Variants in ZFAND3 observed in about 807,000 individuals in gnomAD.
ZFAND3 encodes the protein AN1-type zinc finger protein 3.
A neutral mutation model predicts 29.6 loss-of-function variants in ZFAND3; 10 were observed. That is an observed-to-expected ratio of 0.34 (90% CI 0.21 to 0.57). The LOEUF is 0.57. Among genes scored for constraint, ZFAND3 ranks in the 20% least tolerant of loss-of-function variants. The probability of loss-of-function intolerance (pLI) is 0.86; values close to 1 mark genes in which losing one functional copy is unlikely to be tolerated. For synonymous variants in ZFAND3, 128 were observed against 112.6 expected (o/e 1.14, Z -0.87); for missense variants, 230 against 304.5 (o/e 0.76, Z 1.82).
At chr6:38,148,613 CCAGAATTCAAT>C (rs1490047522) in intron 5 of ZFAND3, among the ~76,000 whole-genome samples, 1 of 152,086 alleles carries the variant, frequency 6.6e-6, no homozygotes, top group Non-Finnish European at 1.5e-5. Flanking sequence ...AGCTTGGATC[CCAGAATTCAAT>C]CAGAGAGCAA....
chr6:38,050,931 A>C (rs1380342965), intron 2 of ZFAND3, among the ~76,000 whole-genome samples: 1 of 152,184 alleles, frequency 6.6e-6, no homozygotes, highest in Non-Finnish European at 1.5e-5. Context: ...AGCAGAGCTT[A>C]AATGAAGGAG....
intron 4 of ZFAND3, among the ~76,000 whole-genome samples, chr6:38,115,751 T>C (rs1241217594): frequency 1.3e-5 from 2 of 152,212 alleles, no homozygotes; most frequent in African/African-American, 4.8e-5. Context: ...CCCAGTTTAT[T>C]GAAGGCAAGA....
At chr6:37,859,483 T>C (rs1764441372) in intron 1 of ZFAND3, among the ~76,000 whole-genome samples, 2 of 152,280 alleles carry the variant, frequency 1.3e-5, no homozygotes, top group South Asian at 2.1e-4. Flanking sequence ...TTGTTGCTCT[T>C]TAAATAGTAT....
At chr6:37,921,540 A>C (rs1183389618) in intron 1 of ZFAND3, among the ~76,000 whole-genome samples, 2 of 151,870 alleles carry the variant, frequency 1.3e-5, no homozygotes. Context: ...CTGAGTGGGG[A>C]GAGATAGTAG....
intron 5 of ZFAND3, among the ~76,000 whole-genome samples, chr6:38,148,834 T>C (rs562838604): frequency 4.6e-5 from 7 of 152,316 alleles, no homozygotes; most frequent in Admixed American, 2.6e-4. Flanking sequence ...GCTCAGCATT[T>C]GGGACAAGTT....
At chr6:37,891,925 CA>C (rs1254348223) in intron 1 of ZFAND3, among the ~76,000 whole-genome samples, 1 of 152,034 alleles carries the variant, frequency 6.6e-6, no homozygotes, top group African/African-American at 2.4e-5. Flanking sequence ...GATGGGGTTT[CA>C]CTGTGTTGCC....
intron 5 of ZFAND3, among the ~76,000 whole-genome samples, chr6:38,145,539 T>TGA (rs1766087771): frequency 6.6e-6 from 1 of 151,650 alleles, no homozygotes; most frequent in Non-Finnish European, 1.5e-5. Flanking sequence ...TGGCTGTGGA[T>TGA]GAGAGCATCT....
intron 4 of ZFAND3, among the ~76,000 whole-genome samples, chr6:38,090,378 G>A (rs1466854832): frequency 6.6e-6 from 1 of 152,094 alleles, no homozygotes; most frequent in African/African-American, 2.4e-5. Flanking sequence ...ATTGAAGAAA[G>A]ATCAAAACAG....
chr6:37,973,502 T>C (rs929754620), intron 2 of ZFAND3, among the ~76,000 whole-genome samples: 2 of 152,250 alleles, frequency 1.3e-5, no homozygotes, highest in African/African-American at 4.8e-5. Flanking sequence ...CTATCTGTGC[T>C]ATCCAACATG....
At chr6:37,984,436 ATGTGCAGTC>A (rs1157775107) in intron 2 of ZFAND3, among the ~76,000 whole-genome samples, 1 of 152,228 alleles carries the variant, frequency 6.6e-6, no homozygotes, top group East Asian at 1.9e-4. Flanking sequence ...GGGGGCTCAG[ATGTGCAGTC>A]TTAGCTTTCA....
rs375787038 is a variant in ZFAND3, at chr6:37,977,828, TTTCC to T, written c.112+47868_112+47871del. 9.5e-4 allele frequency among the ~76,000 whole-genome samples: 73 copies of T among 76,442 alleles called. 1 individual carries two copies. Among genetic ancestry groups the T allele is most frequent in the African/African-American group, 3.3e-3 (66 of 20,166 alleles). The allele number at this position is 76,442 out of a possible 152,430, so 50.1% of individuals were successfully genotyped here. On this transcript the variant is annotated intron_variant, in intron 2 of 5. Coordinates refer to ENST00000287218, the MANE Select transcript of ZFAND3 (RefSeq NM_021943.3). ...TGAATGTTGAATTTTGTAAAATGCT[TTTCC>T]TTCCTTCCTTCCTTCCTTCCTTCCT...
At chr6:37,853,837 C>T (rs768857724) in intron 1 of ZFAND3, among the ~76,000 whole-genome samples, 14 of 151,980 alleles carry the variant, frequency 9.2e-5, no homozygotes, top group Non-Finnish European at 1.5e-4. Context: ...TAAACTATTT[C>T]GGGGGGAAAA....
rs1763636005 is a variant in ZFAND3 at position 37,820,173 on chromosome 6, G to A, written c.71+157G>A. On this transcript the variant is annotated intron_variant, in intron 1 of 5. Coordinates refer to ENST00000287218, the MANE Select transcript of ZFAND3 (RefSeq NM_021943.3). ...GGTGGGGGTCGCGTTCCGGGGAGGGGTGCCGGGTGGGGAGCTGGGGGTGGG... is the reference window on the plus strand; with the variant it reads ...GGTGGGGGTCGCGTTCCGGGGAGGGATGCCGGGTGGGGAGCTGGGGGTGGG... Among the ~76,000 whole-genome samples the A allele has an allele frequency of 4.0e-5, 6 of 151,234 alleles. No homozygotes were observed. The South Asian group carries it at 1.3e-3, about 32-fold the overall frequency.
chr6:37,843,714 A>G (rs1413643717), intron 1 of ZFAND3, among the ~76,000 whole-genome samples: 1 of 152,080 alleles, frequency 6.6e-6, no homozygotes, highest in Non-Finnish European at 1.5e-5. Flanking sequence ...AACCTTTAAT[A>G]TACTCAACAA....
chr6:38,096,506 T>C (rs1282143999), intron 4 of ZFAND3, among the ~76,000 whole-genome samples: 2 of 152,132 alleles, frequency 1.3e-5, no homozygotes, highest in Non-Finnish European at 2.9e-5. Flanking sequence ...GTTCTAAAAT[T>C]TGTAGTGAAG....
At chr6:37,929,442 A>G (rs1761550985) in intron 1 of ZFAND3, among the ~76,000 whole-genome samples, 1 of 152,248 alleles carries the variant, frequency 6.6e-6, no homozygotes, top group South Asian at 2.1e-4. Context: ...ATTTTAAACA[A>G]GAAGGTCATA....
At chr6:38,080,964 C>T (rs1026783266) in intron 3 of ZFAND3, among the ~76,000 whole-genome samples, 3 of 152,102 alleles carry the variant, frequency 2.0e-5, no homozygotes, top group African/African-American at 2.4e-5. Flanking sequence ...GTCTGCCTTT[C>T]GAAACTGCAA....
intron 2 of ZFAND3, among the ~76,000 whole-genome samples, chr6:37,999,678 T>C (rs1371322884): frequency 6.6e-6 from 1 of 152,156 alleles, no homozygotes; most frequent in Non-Finnish European, 1.5e-5. Context: ...TTGACAAATG[T>C]CAAGGTTATC....
intron 1 of ZFAND3, among the ~76,000 whole-genome samples, chr6:37,896,548 TTCTTTCTTTCTTTCTTTCTTTC>T (rs1424288836): frequency 7.7e-6 from 1 of 129,942 alleles, no homozygotes; most frequent in African/African-American, 3.4e-5. Context: ...CTTTCTTTCT[TTCTTTCTTTCTTTCTTTCTTTC>T]TCTCTTTCTC....
Sources: allele counts gnomAD v4.1 joint callset (sites outside exome capture counted in the v4.1 genomes callset), GRCh38; gene constraint gnomAD v4.1.1; transcripts MANE v1.5; gene names NCBI Gene and HGNC (gene_info 2026-07-23, HGNC 2026-07-21).